The following MLLT3 variants were observed in gnomAD, a reference collection of about 807,000 sequenced individuals.
MLLT3 encodes the protein MLLT3 super elongation complex subunit.
In MLLT3, 4 loss-of-function variants were observed where a neutral mutation model predicts 53.2. The ratio of observed to expected loss-of-function variants is 0.08; its 90% confidence interval spans 0.04 to 0.17. The LOEUF (loss-of-function observed/expected upper bound fraction) is 0.17. Ranked by LOEUF, MLLT3 falls within the 10% of genes least tolerant of loss-of-function variation. MLLT3 has a pLI of 1.00. For synonymous variants in MLLT3, 283 were observed against 230.6 expected, an observed-to-expected ratio of 1.23 and a Z score of -2.06; for missense variants, 569 against 684.0, an observed-to-expected ratio of 0.83 and a Z score of 1.87.
chr9:20,413,849 C>T lies in MLLT3; in HGVS notation c.997G>A (p.Val333Ile). Reference protein sequence around the residue: ...DKKQIKDKSHVKMGKVKIESE... With the variant: ...DKKQIKDKSHIKMGKVKIESE... ...TCAATTTTGACCTTTCCCATCTTGACATGAGATTTATCTTTTATCTGTTTT... is the reference window on the plus strand; with the variant it reads ...TCAATTTTGACCTTTCCCATCTTGATATGAGATTTATCTTTTATCTGTTTT... The change falls in exon 5 of 11, where the codon GTC becomes ATC. Residue 333 changes from valine (V) to isoleucine (I), a missense_variant. Coordinates refer to ENST00000380338, the MANE Select transcript of MLLT3 (RefSeq NM_004529.4). The T allele has an allele frequency of 6.2e-7, 1 of 1,614,050 alleles. No homozygotes were observed. Among genetic ancestry groups the T allele is most frequent in the Non-Finnish European group, 8.5e-7 (1 of 1,180,002 alleles).
rs941876676 is a variant in MLLT3, at chr9:20,501,407, A to G, written c.194-44621T>C. Among the ~76,000 whole-genome samples, 10 of 152,292 alleles carry G rather than the reference A, an allele frequency of 6.6e-5. No individual in the cohort carries two copies. In the East Asian group the frequency reaches 1.7e-3, roughly 27 times the overall value. Reference sequence around the variant, plus strand: ...GACAAATTTACCAACAACCATGATTATTACTTACAATATCCAAAGGAGCCC... The same window carrying G: ...GACAAATTTACCAACAACCATGATTGTTACTTACAATATCCAAAGGAGCCC... On this transcript the variant is annotated intron_variant, in intron 2 of 10. Coordinates refer to ENST00000380338, the MANE Select transcript of MLLT3 (RefSeq NM_004529.4).
At chr9:20,512,565 C>A (rs918214222) in intron 2 of MLLT3, among the ~76,000 whole-genome samples, 1 of 152,200 alleles carries the variant, frequency 6.6e-6, no homozygotes, top group Non-Finnish European at 1.5e-5. Context: ...TAAACAGCAT[C>A]TATGAGTACA....
intron 2 of MLLT3, among the ~76,000 whole-genome samples, chr9:20,601,575 AAAT>A (rs543594433): frequency 1.2e-3 from 179 of 152,322 alleles, no homozygotes; most frequent in African/African-American, 4.0e-3. Context: ...TGCTCCACAA[AAAT>A]AATTTTAGTC....
intron 2 of MLLT3, among the ~76,000 whole-genome samples, chr9:20,481,040 G>A (rs1824649874): frequency 6.6e-6 from 1 of 152,114 alleles, no homozygotes; most frequent in Non-Finnish European, 1.5e-5. Flanking sequence ...GTATTTAAGA[G>A]GTATCCCTAA....
At chr9:20,555,862 C>A (rs1411013888) in intron 2 of MLLT3, among the ~76,000 whole-genome samples, 1 of 152,190 alleles carries the variant, frequency 6.6e-6, no homozygotes, top group South Asian at 2.1e-4. Context: ...TTGCTTCAAA[C>A]AAAATTACAG....
At position 20,504,350 on chromosome 9, in the gene MLLT3, TTG is replaced by T. The variant is rs71334530; in HGVS notation, c.194-47566_194-47565del. Among the ~76,000 whole-genome samples the T allele has an allele frequency of 6.5e-3, 973 of 148,830 alleles. 10 individuals carry two copies. Among genetic ancestry groups the T allele is most frequent in the African/African-American group, 0.021 (862 of 40,674 alleles). ...TGTGAAATATATATCCCCAATGGAA[TTG>T]TGTGTGTGTGTGTGTGTGTGTACAA... On this transcript the variant is annotated intron_variant, in intron 2 of 10. Transcript: ENST00000380338.
intron 2 of MLLT3, among the ~76,000 whole-genome samples, chr9:20,498,292 C>CA (rs1825133430): frequency 7.2e-6 from 1 of 139,466 alleles, no homozygotes; most frequent in Admixed American, 7.5e-5. Context: ...CTACCTTTAC[C>CA]AGTACTTGGT....
At chr9:20,348,902 T>G (rs1222418598) in intron 10 of MLLT3, among the ~76,000 whole-genome samples, 1 of 152,210 alleles carries the variant, frequency 6.6e-6, no homozygotes, top group Non-Finnish European at 1.5e-5. Flanking sequence ...ACTTACTATA[T>G]AATTAAGATC....
chr9:20,593,140 C>T (rs1292664926), intron 2 of MLLT3, among the ~76,000 whole-genome samples: 2 of 152,118 alleles, frequency 1.3e-5, no homozygotes, highest in African/African-American at 4.8e-5. Flanking sequence ...TCAGAAGCCA[C>T]AAGCATATTT....
chr9:20,456,096 AC>A, intron 3 of MLLT3, among the ~76,000 whole-genome samples: 1 of 151,506 alleles, frequency 6.6e-6, no homozygotes, highest in South Asian at 2.1e-4. Flanking sequence ...CCACCACCAT[AC>A]TCGGCTAATT....
At chr9:20,381,463 C>T (rs925323446) in intron 5 of MLLT3, among the ~76,000 whole-genome samples, 1 of 151,790 alleles carries the variant, frequency 6.6e-6, no homozygotes, top group African/African-American at 2.4e-5. Context: ...AAAAAAGCAC[C>T]TAACTCTGAA....
chr9:20,577,649 G>A (rs1819687881), intron 2 of MLLT3, among the ~76,000 whole-genome samples: 1 of 152,188 alleles, frequency 6.6e-6, no homozygotes. Flanking sequence ...CTGCACAATA[G>A]AAGACAGACT....
chr9:20,550,557 T>C (rs1450868822), intron 2 of MLLT3, among the ~76,000 whole-genome samples: 2 of 151,568 alleles, frequency 1.3e-5, no homozygotes, highest in Non-Finnish European at 1.5e-5. Flanking sequence ...CACGAGTAAC[T>C]GGGACCACAA....
At chr9:20,415,876 T>C (rs561489428) in intron 4 of MLLT3, among the ~76,000 whole-genome samples, 1 of 152,004 alleles carries the variant, frequency 6.6e-6, no homozygotes, top group Non-Finnish European at 1.5e-5. Flanking sequence ...TTTGGTTTCT[T>C]AATAAATTTT....
At chr9:20,472,670 T>C (rs536231147) in intron 2 of MLLT3, among the ~76,000 whole-genome samples, 1 of 152,160 alleles carries the variant, frequency 6.6e-6, no homozygotes, top group Non-Finnish European at 1.5e-5. Context: ...GAAGAAACAG[T>C]TCTTGTTAAC....
At chr9:20,504,786 G>C (rs374477347) in intron 2 of MLLT3, among the ~76,000 whole-genome samples, 2 of 151,936 alleles carry the variant, frequency 1.3e-5, no homozygotes, top group African/African-American at 4.8e-5. Context: ...ATGTTAATTA[G>C]CTCAATTTGG....
chr9:20,525,278 C>T (rs1818172417), intron 2 of MLLT3, among the ~76,000 whole-genome samples: 1 of 152,128 alleles, frequency 6.6e-6, no homozygotes, highest in African/African-American at 2.4e-5. Flanking sequence ...AAGCGGATCA[C>T]CTGAGGTCAG....
chr9:20,346,834 A>T (rs189461917), intron 10 of MLLT3, among the ~76,000 whole-genome samples: 11 of 152,236 alleles, frequency 7.2e-5, no homozygotes, highest in South Asian at 4.1e-4. Flanking sequence ...TCAAGTCATG[A>T]ACAGAATATT....
chr9:20,432,236 T>G (rs765380824), intron 4 of MLLT3, among the ~76,000 whole-genome samples: 1 of 152,188 alleles, frequency 6.6e-6, no homozygotes, highest in Non-Finnish European at 1.5e-5. Context: ...TGATAAAGAA[T>G]AGGCAATCAA....
Sources: allele counts gnomAD v4.1 joint callset (sites outside exome capture counted in the v4.1 genomes callset), GRCh38; gene constraint gnomAD v4.1.1; transcripts MANE v1.5; gene names NCBI Gene and HGNC (gene_info 2026-07-23, HGNC 2026-07-21).